Variants in USH1C observed in about 807,000 individuals in gnomAD.
USH1C encodes USH1 protein network component harmonin.
A neutral mutation model predicts 119.3 loss-of-function variants in USH1C; 90 were observed. The observed-to-expected ratio is 0.75, with a 90% CI of 0.64 to 0.90. The LOEUF (loss-of-function observed/expected upper bound fraction) is 0.90, where lower values mean the gene tolerates loss of function less well. Among genes scored for constraint, USH1C ranks in the 40% least tolerant of loss-of-function variants. The pLI is 0.00. For missense variants in USH1C, 1,165 were observed against 1,167.7 expected, an observed-to-expected ratio of 1.00 and a Z score of 0.03; for synonymous variants, 465 against 443.3, an observed-to-expected ratio of 1.05 and a Z score of -0.62.
intron 4 of USH1C, among the ~76,000 whole-genome samples, chr11:17,529,952 C>T (rs965170947): frequency 2.6e-5 from 4 of 152,204 alleles, no homozygotes; most frequent in African/African-American, 9.7e-5. Flanking sequence ...CCAAGAGAGG[C>T]GCTCATTATG....
At chr11:17,504,590 G>A (rs1591968673) in intron 20 of USH1C, 57 bp downstream of exon 20, 5 of 1,583,266 alleles carry the variant, frequency 3.2e-6, no homozygotes, top group East Asian at 4.5e-5. Flanking sequence ...GTGGCACAGA[G>A]TGGGAGGGAC....
intron 14 of USH1C, chr11:17,517,603 C>T: frequency 1.1e-6 from 1 of 890,288 alleles, no homozygotes; most frequent in Non-Finnish European, 1.8e-6. Flanking sequence ...AGGTCAGGGG[C>T]AGGGGACAGA....
chr11:17,543,817 AG>A (rs1472315324), intron 1 of USH1C, among the ~76,000 whole-genome samples: 1 of 152,320 alleles, frequency 6.6e-6, no homozygotes, highest in South Asian at 2.1e-4. Context: ...TCATGTTCTG[AG>A]GTCAAAAGGC....
intron 18 of USH1C, 73 bp downstream of exon 18, chr11:17,509,283 G>A (rs1239437925): frequency 1.3e-6 from 2 of 1,500,462 alleles, no homozygotes; most frequent in Non-Finnish European, 8.9e-7. Flanking sequence ...CAGGAGCAGT[G>A]GAGGACATGG....
chr11:17,500,333 C>T (rs1039201831), intron 23 of USH1C, among the ~76,000 whole-genome samples: 1 of 152,230 alleles, frequency 6.6e-6, no homozygotes, highest in African/African-American at 2.4e-5. Context: ...CCTCCACCTT[C>T]TCCTGGCTGT....
At chr11:17,501,784 C>T (rs1040112984) in intron 21 of USH1C, among the ~76,000 whole-genome samples, 155 bp downstream of exon 21, 7 of 152,110 alleles carry the variant, frequency 4.6e-5, no homozygotes, top group South Asian at 2.1e-4. Context: ...AAGGAATCTT[C>T]GTGGGAAGAG....
At chr11:17,541,594 C>A (rs1314678195) in intron 1 of USH1C, among the ~76,000 whole-genome samples, 1 of 152,234 alleles carries the variant, frequency 6.6e-6, no homozygotes, top group Non-Finnish European at 1.5e-5. Context: ...GAAGAGCAGT[C>A]TCCCTTTGAA....
rs771559169 is a variant in USH1C, at chr11:17,522,944, GC to G, written c.877-19del. 113 of 1,607,068 alleles carry G rather than the reference GC, an allele frequency of 7.0e-5. No individual in the cohort carries two copies. In the African/African-American group the frequency reaches 1.4e-3, roughly 20 times the overall value. On this transcript the variant is annotated intron_variant, in intron 11 of 26. Transcript: ENST00000005226. Reference sequence around the variant, plus strand: ...TCCCGGCCCTCATGGGAGAAAAGAGGCCCCTTGCTCAGCCCCCGGGGAACCT... The same window carrying G: ...TCCCGGCCCTCATGGGAGAAAAGAGGCCCTTGCTCAGCCCCCGGGGAACCT...
chr11:17,514,355 A>T (rs1452894424), intron 15 of USH1C: 1 of 152,170 alleles, frequency 6.6e-6, no homozygotes, highest in Non-Finnish European at 1.5e-5. Context: ...AGTAGCTGGG[A>T]TTACAGGCAT....
intron 16 of USH1C, among the ~76,000 whole-genome samples, chr11:17,510,919 A>G (rs1212618561): frequency 6.6e-6 from 1 of 152,164 alleles, no homozygotes; most frequent in Non-Finnish European, 1.5e-5. Context: ...TGCCCTCAGA[A>G]GCATAAGTTC....
chr11:17,499,262 C>T (rs1256587032), intron 23 of USH1C, among the ~76,000 whole-genome samples: 2 of 152,076 alleles, frequency 1.3e-5, no homozygotes, highest in South Asian at 2.1e-4. Flanking sequence ...GCATGAAGGC[C>T]CATAGGAATG....
At position 17,509,407 on chromosome 11, in the gene USH1C, C is replaced by T. The variant is rs1308021507; in HGVS notation, c.1962G>A (p.Gly654=). Residue 654 remains glycine, a synonymous_variant, in exon 18 of 27, where the codon GGG becomes GGA. Coordinates refer to ENST00000005226, the MANE Select transcript of USH1C (RefSeq NM_153676.4). Reference sequence around the variant, plus strand: ...CAGGGACAGGGGAGTTAGTGGGCTTCCCACTGTGGTTCTTTGCCTCCCAGT... The same window carrying T: ...CAGGGACAGGGGAGTTAGTGGGCTTTCCACTGTGGTTCTTTGCCTCCCAGT... ...VEDWEAKNHS[G]KPTNSPVPEQ... 1 of 1,601,778 alleles carries T rather than the reference C, an allele frequency of 6.2e-7. No homozygotes were observed.
At chr11:17,540,405 G>A (rs767040831) in intron 1 of USH1C, among the ~76,000 whole-genome samples, 1 of 151,890 alleles carries the variant, frequency 6.6e-6, no homozygotes, top group Non-Finnish European at 1.5e-5. Flanking sequence ...TCCAAAAGTT[G>A]AGGTACCCCG....
Position 17,531,628 on chromosome 11 carries a change from C to T in USH1C, c.105-86G>A. On this transcript the variant is annotated intron_variant, in intron 2 of 26. Coordinates refer to ENST00000005226, the MANE Select transcript of USH1C (RefSeq NM_153676.4). The surrounding 1 kb of genome is among the most constrained non-coding windows in gnomAD (Gnocchi z 4.2). ...GATTCCAAGAGGAAGCCATTTCAGC[C>T]ACTGGGCCCAGGCTTAGGAATGGAG... The T allele has an allele frequency of 6.4e-7, 1 of 1,558,884 alleles. No individual in the cohort carries two copies. The highest frequency in any genetic ancestry group is 8.7e-7 in the Non-Finnish European group (1 of 1,151,424).
chr11:17,539,145 G>T (rs909652902), intron 1 of USH1C, among the ~76,000 whole-genome samples: 1 of 151,984 alleles, frequency 6.6e-6, no homozygotes, highest in South Asian at 2.1e-4. Context: ...TTCAAATGTC[G>T]CCTCTTCTTG....
intron 7 of USH1C, 36 bp downstream of exon 7, chr11:17,526,717 C>T: frequency 6.2e-7 from 1 of 1,608,422 alleles, no homozygotes; most frequent in Non-Finnish European, 8.5e-7. Flanking sequence ...GAAGATGACC[C>T]CACCCAAACC....
chr11:17,542,155 A>T (rs187967343), intron 1 of USH1C, among the ~76,000 whole-genome samples: 6 of 152,360 alleles, frequency 3.9e-5, no homozygotes, highest in Non-Finnish European at 7.3e-5. Flanking sequence ...GAGATTAAGT[A>T]ACTTGCTCAA....
At chr11:17,501,446 G>T in intron 22 of USH1C, 36 bp downstream of exon 22, 1 of 1,605,870 alleles carries the variant, frequency 6.2e-7, no homozygotes, top group Non-Finnish European at 8.5e-7. Flanking sequence ...GCACAGAGAG[G>T]GATGGCGGCC....
At position 17,526,794 on chromosome 11, in the gene USH1C, G is replaced by C. The variant is rs747331051; in HGVS notation, c.538C>G (p.Leu180Val). 2.5e-6 allele frequency: 4 copies of C among 1,614,180 alleles called. No homozygotes were observed. Among genetic ancestry groups the C allele is most frequent in the Non-Finnish European group, 3.4e-6 (4 of 1,180,016 alleles). Reference sequence around the variant, plus strand: ...AACTGATCCACATACTGCCAAGTGAGGGGCTCATCAGGAGAGCTGATGGGA... The same window carrying C: ...AACTGATCCACATACTGCCAAGTGACGGGCTCATCAGGAGAGCTGATGGGA... ...IPVKSSPDEPLTWQYVDQFVS... is the reference protein window; with the variant it reads ...IPVKSSPDEPVTWQYVDQFVS... Residue 180 changes from leucine (L) to valine (V), a missense_variant, in exon 7 of 27, where the codon CTC becomes GTC. By Grantham distance (32) the Leu-to-Val change is conservative. Transcript: ENST00000005226.
Sources: allele counts gnomAD v4.1 joint callset (sites outside exome capture counted in the v4.1 genomes callset), GRCh38; gene constraint gnomAD v4.1.1; non-coding constraint Gnocchi (gnomAD v3.1); transcripts MANE v1.5; gene names NCBI Gene and HGNC (gene_info 2026-07-23, HGNC 2026-07-21).